Variants in CRMP1 observed in about 807,000 individuals in gnomAD.
CRMP1 encodes the protein dihydropyrimidinase-related protein 1.
CRMP1 carries 19 observed loss-of-function variants against 68.3 expected under a neutral mutation model. The ratio of observed to expected loss-of-function variants is 0.28; its 90% confidence interval spans 0.19 to 0.41. The LOEUF (loss-of-function observed/expected upper bound fraction) is 0.41, where lower values mean the gene tolerates loss of function less well. Ranked by LOEUF, CRMP1 falls within the 10% of genes least tolerant of loss-of-function variation. The pLI is 1.00. For synonymous variants in CRMP1, 439 were observed against 399.6 expected (o/e 1.10, Z -1.18); for missense variants, 791 against 967.4 (o/e 0.82, Z 2.42).
At chr4:5,885,267 A>T (rs977232224) in intron 1 of CRMP1, among the ~76,000 whole-genome samples, 1 of 152,020 alleles carries the variant, frequency 6.6e-6, no homozygotes. Flanking sequence ...CTCTGAACTC[A>T]TTGGCAAAGC....
At chr4:5,874,643 G>A (rs1714685420) in intron 1 of CRMP1, among the ~76,000 whole-genome samples, 1 of 151,970 alleles carries the variant, frequency 6.6e-6, no homozygotes, top group African/African-American at 2.4e-5. Context: ...CAAGAGGCAA[G>A]GAGAGACAGA....
At position 5,828,556 on chromosome 4, in the gene CRMP1, A is replaced by G. The variant is rs755590414; in HGVS notation, c.1736T>C (p.Met579Thr). The change falls in exon 12 of 14, where the codon ATG becomes ACG. Residue 579 changes from methionine to threonine, a missense_variant. By Grantham distance (81) the Met-to-Thr change is moderately conservative. Transcript: ENST00000324989. ...EDGNINVNKGMGRFIPRKAFP... is the reference protein window; with the variant it reads ...EDGNINVNKGTGRFIPRKAFP... Reference sequence around the variant, plus strand: ...CGCCTTCCGCGGAATGAAGCGGCCCATGCCCTTGTTGACGTTGATGTTTCC... The same window carrying G: ...CGCCTTCCGCGGAATGAAGCGGCCCGTGCCCTTGTTGACGTTGATGTTTCC... The G allele has an allele frequency of 2.5e-6, 4 of 1,614,216 alleles. No homozygotes were observed. Among genetic ancestry groups the G allele is most frequent in the Non-Finnish European group, 3.4e-6 (4 of 1,180,038 alleles).
intron 4 of CRMP1, 114 bp downstream of exon 4, chr4:5,856,029 T>A: frequency 8.0e-7 from 1 of 1,249,154 alleles, no homozygotes; most frequent in Admixed American, 2.1e-5. Flanking sequence ...AGAGTGCAGC[T>A]CATAATCAGG....
At position 5,856,636 on chromosome 4, in the gene CRMP1, CATT is replaced by C. The variant is rs371023409; in HGVS notation, c.656-332_656-330del. Reference sequence around the variant, plus strand: ...CCATGACCGCCACTATCATCATCATCATTATCAACCCATCACCATGACCATCAT... The same window carrying C: ...CCATGACCGCCACTATCATCATCATCATCAACCCATCACCATGACCATCAT... On this transcript the variant is annotated intron_variant, in intron 3 of 13. Coordinates refer to ENST00000324989, the MANE Select transcript of CRMP1 (RefSeq NM_001014809.3). 9.8e-4 allele frequency among the ~76,000 whole-genome samples: 148 copies of C among 150,918 alleles called. 2 individuals carry two copies. The highest frequency in any genetic ancestry group is 3.1e-3 in the African/African-American group (126 of 40,892).
At chr4:5,827,034 T>G (rs1419266471) in intron 12 of CRMP1, among the ~76,000 whole-genome samples, 2 of 152,162 alleles carry the variant, frequency 1.3e-5, no homozygotes, top group Non-Finnish European at 2.9e-5. Flanking sequence ...GAAGCTCAGG[T>G]GGCCAGAGGC....
At chr4:5,875,756 G>A (rs1714769342) in intron 1 of CRMP1, among the ~76,000 whole-genome samples, 1 of 152,072 alleles carries the variant, frequency 6.6e-6, no homozygotes, top group African/African-American at 2.4e-5. Flanking sequence ...TGGACACAGA[G>A]ACCGTGAGTT....
chr4:5,880,761 G>A (rs945778245), intron 1 of CRMP1, among the ~76,000 whole-genome samples: 2 of 152,196 alleles, frequency 1.3e-5, no homozygotes, highest in African/African-American at 4.8e-5. Flanking sequence ...ATTCTGCATA[G>A]TAACTACCTT....
intron 1 of CRMP1, among the ~76,000 whole-genome samples, chr4:5,873,639 G>A (rs544749568): frequency 1.1e-4 from 17 of 152,190 alleles, no homozygotes; most frequent in African/African-American, 4.1e-4. Context: ...GGGGAAATCC[G>A]CCCCAGTGAT....
intron 6 of CRMP1, among the ~76,000 whole-genome samples, chr4:5,848,544 AT>A (rs1435335074): frequency 6.6e-6 from 1 of 152,200 alleles, no homozygotes; most frequent in African/African-American, 2.4e-5. Flanking sequence ...TTATCAAAAT[AT>A]GTTCATGTCT....
intron 11 of CRMP1, among the ~76,000 whole-genome samples, chr4:5,829,652 T>C (rs1244577299): frequency 2.6e-5 from 4 of 152,152 alleles, no homozygotes; most frequent in Non-Finnish European, 4.4e-5. Flanking sequence ...GTCTGACATA[T>C]ACACATCTCT....
In CRMP1 at chr4:5,821,430, C is replaced by T; in HGVS notation, c.*330G>A. 1 of 339,712 alleles carries T rather than the reference C, an allele frequency of 2.9e-6. No homozygotes were observed. Among genetic ancestry groups the T allele is most frequent in the Non-Finnish European group, 5.5e-6 (1 of 181,846 alleles). The allele number at this position is 339,712 out of a possible 1,614,324, so 21.0% of individuals were successfully genotyped here. ...CATCTACAGGGTGCAAAGGAACCACCACTCAGAGAATCATGGAGCCAGTGG... is the reference window on the plus strand; with the variant it reads ...CATCTACAGGGTGCAAAGGAACCACTACTCAGAGAATCATGGAGCCAGTGG... On this transcript the variant is annotated 3_prime_UTR_variant, in exon 14 of 14. Transcript: ENST00000324989. The surrounding 1 kb of genome is among the most constrained non-coding windows in gnomAD (Gnocchi z 4.4).
chr4:5,828,615 C>A lies in CRMP1; in HGVS notation c.1677G>T (p.Val559=). 1 of 1,614,192 alleles carries A rather than the reference C, an allele frequency of 6.2e-7. No individual in the cohort carries two copies. Among genetic ancestry groups the A allele is most frequent in the Middle Eastern group, 1.6e-4 (1 of 6,062 alleles). ...EGMECHGSPL[V]VISQGKIVFE... is the part of the protein sequence containing the mutation. ...AGACGATCTTGCCCTGGCTGATGACCACTAGTGGGGAGCCGTGGCACTCCA... is the reference window on the plus strand; with the variant it reads ...AGACGATCTTGCCCTGGCTGATGACAACTAGTGGGGAGCCGTGGCACTCCA... The change falls in exon 12 of 14, where the codon GTG becomes GTT. Residue 559 remains valine (V), a synonymous_variant. Transcript: ENST00000324989.
intron 6 of CRMP1, among the ~76,000 whole-genome samples, chr4:5,849,137 C>T (rs1366236874): frequency 6.6e-6 from 1 of 152,160 alleles, no homozygotes; most frequent in Non-Finnish European, 1.5e-5. Context: ...CTCCTCCAAG[C>T]CTGGGCTTTT....
intron 8 of CRMP1, among the ~76,000 whole-genome samples, chr4:5,840,641 A>G (rs548604977): frequency 3.4e-4 from 51 of 152,196 alleles, no homozygotes; most frequent in Non-Finnish European, 6.5e-4. Context: ...TTTACTTAAC[A>G]TTACTTAATT....
At position 5,821,592 on chromosome 4, in the gene CRMP1, C is replaced by G. The variant is rs1247839845; in HGVS notation, c.*168G>C. The G allele has an allele frequency of 3.0e-6, 2 of 660,648 alleles. No individual in the cohort carries two copies. The highest frequency in any genetic ancestry group is 5.1e-6 in the Non-Finnish European group (2 of 391,552). 40.9% of individuals were successfully genotyped at this position (660,648 alleles called of 1,614,324 possible). A position where few individuals can be genotyped will look rare whatever the true frequency, so the allele number is the denominator to read the frequency against. On this transcript the variant is annotated 3_prime_UTR_variant, in exon 14 of 14. Transcript: ENST00000324989. The surrounding 1 kb of genome is among the most constrained non-coding windows in gnomAD (Gnocchi z 4.4). ...GGCAAGGAATTTCCAAGCAAACACA[C>G]CACACTAGTACCACTTCTTCCTAAA...
Position 5,866,335 on chromosome 4 carries a change from T to A in CRMP1, c.470+333A>T, listed in dbSNP as rs555808615. Among the ~76,000 whole-genome samples the A allele has an allele frequency of 1.3e-4, 20 of 152,324 alleles. No individual in the cohort carries two copies. Among genetic ancestry groups the A allele is most frequent in the African/African-American group, 4.6e-4 (19 of 41,574 alleles). On this transcript the variant is annotated intron_variant, in intron 2 of 13. Coordinates refer to ENST00000324989, the MANE Select transcript of CRMP1 (RefSeq NM_001014809.3). This position sits in a 1 kb window ranked among gnomAD's most constrained non-coding sequence, Gnocchi z 5.9. ...GCCTTGACCCTAACTCACCCCGTCA[T>A]ATGGGGCCAGGTACCCAGACTCATT...
At position 5,835,948 on chromosome 4, in the gene CRMP1, C is replaced by A; in HGVS notation, c.1590G>T (p.Lys530Asn). The A allele has an allele frequency of 6.3e-7, 1 of 1,581,322 alleles. No individual in the cohort carries two copies. Among genetic ancestry groups the A allele is most frequent in the Non-Finnish European group, 8.6e-7 (1 of 1,164,658 alleles). ...DADVVIWDPD[K>N]LKTITAKSHK... ...GACTTTTGGCTGTTATGGTCTTCAACTTGTCGGGGTCCCAGATGACCACGT... is the reference window on the plus strand; with the variant it reads ...GACTTTTGGCTGTTATGGTCTTCAAATTGTCGGGGTCCCAGATGACCACGT... Residue 530 changes from lysine (K) to asparagine (N), a missense_variant, in exon 11 of 14, where the codon AAG becomes AAT. Around this residue, in one of 3 missense-constraint regions of CRMP1, gnomAD observed 594 missense variants for 763.6 expected, o/e 0.78. Coordinates refer to ENST00000324989, the MANE Select transcript of CRMP1 (RefSeq NM_001014809.3).
chr4:5,860,250 G>A lies in CRMP1; in HGVS notation c.655+776C>T, dbSNP rs1250034038. ...TGGAAGTGAGGAGATGAGGCAGTGA[G>A]AAGAAAGGCAAGTTTCGGCCAGAAC... On this transcript the variant is annotated intron_variant, in intron 3 of 13. Coordinates refer to ENST00000324989, the MANE Select transcript of CRMP1 (RefSeq NM_001014809.3). The surrounding 1 kb of genome is among the most constrained non-coding windows in gnomAD (Gnocchi z 4.2). Among the ~76,000 whole-genome samples the A allele has an allele frequency of 6.6e-6, 1 of 152,180 alleles. No homozygotes were observed. The highest frequency in any genetic ancestry group is 1.5e-5 in the Non-Finnish European group (1 of 68,048).
chr4:5,871,726 T>A (rs896303149), intron 1 of CRMP1, among the ~76,000 whole-genome samples: 1 of 152,184 alleles, frequency 6.6e-6, no homozygotes, highest in African/African-American at 2.4e-5. Flanking sequence ...GATGTCTTTA[T>A]GACAGAACTT....
Sources: allele counts gnomAD v4.1 joint callset (sites outside exome capture counted in the v4.1 genomes callset), GRCh38; gene constraint gnomAD v4.1.1; regional missense constraint gnomAD v4.1.1; non-coding constraint Gnocchi (gnomAD v3.1); transcripts MANE v1.5; gene names NCBI Gene and HGNC (gene_info 2026-07-23, HGNC 2026-07-21).